Variants in KCNJ6 observed in about 807,000 individuals in gnomAD.
KCNJ6 encodes the protein potassium inwardly rectifying channel subfamily J member 6.
A neutral mutation model predicts 34.2 loss-of-function variants in KCNJ6; 9 were observed. That is an observed-to-expected ratio of 0.26 (90% CI 0.16 to 0.46). KCNJ6 has a LOEUF of 0.46. Ranked by LOEUF, KCNJ6 falls within the 20% of genes least tolerant of loss-of-function variation. KCNJ6 has a pLI of 1.00. For synonymous variants in KCNJ6, 196 were observed against 207.1 expected, an observed-to-expected ratio of 0.95 and a Z score of 0.46; for missense variants, 236 against 531.3, an observed-to-expected ratio of 0.44 and a Z score of 5.46.
At chr21:37,788,755 C>T (rs1023444774) in intron 2 of KCNJ6, among the ~76,000 whole-genome samples, 3 of 152,168 alleles carry the variant, frequency 2.0e-5, no homozygotes, top group South Asian at 2.1e-4. Context: ...CCCAGCCAGC[C>T]GCAGCTAGCT....
At chr21:37,853,618 A>G (rs1209731066) in intron 1 of KCNJ6, among the ~76,000 whole-genome samples, 2 of 152,012 alleles carry the variant, frequency 1.3e-5, no homozygotes, top group Admixed American at 1.3e-4. Context: ...GAGAAAATAT[A>G]TAGGCAAACA....
intron 2 of KCNJ6, among the ~76,000 whole-genome samples, chr21:37,738,144 G>C (rs775915513): frequency 1.6e-4 from 24 of 152,206 alleles, no homozygotes; most frequent in Non-Finnish European, 3.4e-4. Context: ...GGGCCATGGA[G>C]ACAGGCAGCC....
At chr21:37,813,067 G>T (rs2055330529) in intron 2 of KCNJ6, among the ~76,000 whole-genome samples, 1 of 152,056 alleles carries the variant, frequency 6.6e-6, no homozygotes, top group African/African-American at 2.4e-5. Flanking sequence ...TGCAGTAAAG[G>T]TTCAGGATAC....
intron 1 of KCNJ6, among the ~76,000 whole-genome samples, chr21:37,878,264 A>ATT (rs11450480): frequency 0.022 from 3,338 of 149,248 alleles, 136 homozygotes; most frequent in African/African-American, 0.077. Flanking sequence ...CATTTGTGGG[A>ATT]TTTTTTTTTT....
At chr21:37,658,108 G>T (rs2054472407) in intron 3 of KCNJ6, among the ~76,000 whole-genome samples, 1 of 147,860 alleles carries the variant, frequency 6.8e-6, no homozygotes, top group Non-Finnish European at 1.5e-5. Flanking sequence ...CTTCTAACCT[G>T]GTGGGGGCAG....
At chr21:37,770,838 C>A (rs2123503201) in intron 2 of KCNJ6, among the ~76,000 whole-genome samples, 1 of 152,200 alleles carries the variant, frequency 6.6e-6, no homozygotes, top group African/African-American at 2.4e-5. Flanking sequence ...TTTCCCCCTT[C>A]TTTTATCTCC....
At chr21:37,723,543 G>T (rs1329213038) in intron 2 of KCNJ6, among the ~76,000 whole-genome samples, 1 of 152,142 alleles carries the variant, frequency 6.6e-6, no homozygotes, top group African/African-American at 2.4e-5. Flanking sequence ...TTGGTGGACT[G>T]GTTAAAGAAA....
At chr21:37,654,773 G>C (rs986953147) in intron 3 of KCNJ6, among the ~76,000 whole-genome samples, 4 of 152,234 alleles carry the variant, frequency 2.6e-5, no homozygotes, top group Non-Finnish European at 1.5e-5. Flanking sequence ...CCTGGCATTT[G>C]TGGTGGCCTC....
chr21:37,912,621 C>A (rs2055872489), intron 1 of KCNJ6, among the ~76,000 whole-genome samples: 1 of 152,216 alleles, frequency 6.6e-6, no homozygotes, highest in Admixed American at 6.5e-5. Context: ...CTTCTTCTGT[C>A]TACTTTAGGT....
At chr21:37,893,548 A>G (rs1425406308) in intron 1 of KCNJ6, among the ~76,000 whole-genome samples, 1 of 151,930 alleles carries the variant, frequency 6.6e-6, no homozygotes, top group Non-Finnish European at 1.5e-5. Flanking sequence ...TCTTTGGTCC[A>G]TACCTTCTTG....
chr21:37,807,539 C>T (rs986871820), intron 2 of KCNJ6, among the ~76,000 whole-genome samples: 2 of 152,276 alleles, frequency 1.3e-5, no homozygotes, highest in Non-Finnish European at 2.9e-5. Context: ...ACATTTTTAT[C>T]GTCTTTTTTC....
Position 37,616,744 on chromosome 21 carries a change from G to A in KCNJ6, c.*8415C>T, listed in dbSNP as rs1357823785. 6.6e-6 allele frequency: 1 copy of A among 150,904 alleles called. No individual in the cohort carries two copies. Among genetic ancestry groups the A allele is most frequent in the East Asian group, 2.0e-4 (1 of 5,122 alleles). 9.3% of individuals were successfully genotyped at this position (150,904 alleles called of 1,614,324 possible). A position where few individuals can be genotyped will look rare whatever the true frequency, so the allele number is the denominator to read the frequency against. On this transcript the variant is annotated 3_prime_UTR_variant, in exon 4 of 4. Transcript: ENST00000609713. ...CAAAAATGATATTAACCTTCCAACG[G>A]GGGTGCCAGGAAAAGTGAAGTTTTC...
At chr21:37,762,276 A>G (rs1468372341) in intron 2 of KCNJ6, among the ~76,000 whole-genome samples, 1 of 152,162 alleles carries the variant, frequency 6.6e-6, no homozygotes, top group Admixed American at 6.5e-5. Flanking sequence ...GGCTCCTTCC[A>G]AAGCCACACT....
chr21:37,865,274 T>A (rs1288922540), intron 1 of KCNJ6, among the ~76,000 whole-genome samples: 1 of 152,246 alleles, frequency 6.6e-6, no homozygotes, highest in Non-Finnish European at 1.5e-5. Flanking sequence ...CAAGAAATAC[T>A]CTACTTCACT....
chr21:37,825,163 A>G (rs1251848249), intron 2 of KCNJ6, among the ~76,000 whole-genome samples: 2 of 152,218 alleles, frequency 1.3e-5, no homozygotes, highest in Non-Finnish European at 2.9e-5. Flanking sequence ...ATTTTTGGCC[A>G]TATAAAGTTT....
rs1007091210 is a variant in KCNJ6, at chr21:37,618,441, T to C, written c.*6718A>G. The C allele has an allele frequency of 3.9e-5, 6 of 152,264 alleles. No homozygotes were observed. Among genetic ancestry groups the C allele is most frequent in the African/African-American group, 1.4e-4 (6 of 41,472 alleles). 9.4% of individuals were successfully genotyped at this position (152,264 alleles called of 1,614,324 possible). On this transcript the variant is annotated 3_prime_UTR_variant, in exon 4 of 4. Coordinates refer to ENST00000609713, the MANE Select transcript of KCNJ6 (RefSeq NM_002240.5). The stretch of plus-strand genomic sequence containing the variant: ...TTAGAAACGATGATGATTACATGTT[T>C]ATTTCACTAGTGCTTGTTGGTAGCA...
chr21:37,674,519 C>G (rs865918311), intron 3 of KCNJ6, among the ~76,000 whole-genome samples: 67 of 138,608 alleles, frequency 4.8e-4, no homozygotes, highest in African/African-American at 1.6e-3. Flanking sequence ...CACCCACTGG[C>G]TCCGCCGAGT....
chr21:37,798,854 A>G (rs1164274006), intron 2 of KCNJ6, among the ~76,000 whole-genome samples: 1 of 152,220 alleles, frequency 6.6e-6, no homozygotes, highest in East Asian at 1.9e-4. Context: ...ATCTTTGAAT[A>G]CACCTAAACC....
intron 2 of KCNJ6, among the ~76,000 whole-genome samples, chr21:37,775,273 G>A (rs954648944): frequency 2.0e-5 from 3 of 151,956 alleles, no homozygotes; most frequent in Non-Finnish European, 4.4e-5. Flanking sequence ...TGAGTAGATT[G>A]CAAAAATTTT....
Sources: allele counts gnomAD v4.1 joint callset (sites outside exome capture counted in the v4.1 genomes callset), GRCh38; gene constraint gnomAD v4.1.1; transcripts MANE v1.5; gene names NCBI Gene and HGNC (gene_info 2026-07-23, HGNC 2026-07-21).